ABTB3: variants seen among roughly 807,000 people sequenced by gnomAD.
The protein encoded by ABTB3 is ankyrin repeat- and BTB/POZ domain-containing protein 3.
the ABTB3 span, among the ~76,000 whole-genome samples, chr12:107,379,285 C>T: frequency 1.3e-5 from 2 of 152,084 alleles, no homozygotes; most frequent in Non-Finnish European, 2.9e-5. Flanking sequence ...GTCTGTGTCC[C>T]CACCTAAATC....
chr12:107,321,145 A>C, the ABTB3 span, among the ~76,000 whole-genome samples: 1 of 152,212 alleles, frequency 6.6e-6, no homozygotes, highest in Non-Finnish European at 1.5e-5. Context: ...ACTTTGTTAC[A>C]TATTCGGCGG....
chr12:107,398,717 G>A, the ABTB3 span, among the ~76,000 whole-genome samples: 1 of 151,796 alleles, frequency 6.6e-6, no homozygotes, highest in Admixed American at 6.6e-5. Context: ...CAGGTAGGGG[G>A]GTGGATGACT....
chr12:107,350,206 A>G, the ABTB3 span, among the ~76,000 whole-genome samples: 6 of 152,178 alleles, frequency 3.9e-5, no homozygotes, highest in African/African-American at 1.4e-4. Flanking sequence ...GGGAAAAATC[A>G]TATTGTTCCC....
chr12:107,368,522 C>T, the ABTB3 span, among the ~76,000 whole-genome samples: 1 of 151,818 alleles, frequency 6.6e-6, no homozygotes, highest in Non-Finnish European at 1.5e-5. Context: ...TCCAATTCCC[C>T]AGTACCGTGA....
chr12:107,443,920 A>T, the ABTB3 span, among the ~76,000 whole-genome samples: 1 of 152,214 alleles, frequency 6.6e-6, no homozygotes, highest in Middle Eastern at 3.2e-3. Flanking sequence ...ACTCAAGACC[A>T]AAGGCCCTGT....
chr12:107,339,277 C>T, the ABTB3 span, among the ~76,000 whole-genome samples: 5 of 152,138 alleles, frequency 3.3e-5, no homozygotes, highest in Admixed American at 6.5e-5. Context: ...GGCTTAAGCC[C>T]CACATGCCTC....
At chr12:107,531,026 C>T in the ABTB3 span, among the ~76,000 whole-genome samples, 317 of 152,336 alleles carry the variant, frequency 2.1e-3, 2 homozygotes, top group African/African-American at 7.1e-3. Flanking sequence ...TAGAGTCAGA[C>T]AGACCTAGGT....
chr12:107,502,373 A>G, the ABTB3 span, among the ~76,000 whole-genome samples: 1 of 151,854 alleles, frequency 6.6e-6, no homozygotes, highest in Non-Finnish European at 1.5e-5. Flanking sequence ...CCCAGCCAGC[A>G]TTGGTACTTT....
chr12:107,490,129 T>C, the ABTB3 span, among the ~76,000 whole-genome samples: 2 of 152,184 alleles, frequency 1.3e-5, no homozygotes, highest in African/African-American at 4.8e-5. Context: ...CCAGGTGCCT[T>C]GACATGACTG....
chr12:107,580,044 G>A, the ABTB3 span, among the ~76,000 whole-genome samples: 1 of 152,156 alleles, frequency 6.6e-6, no homozygotes, highest in African/African-American at 2.4e-5. Flanking sequence ...GTCGTCCGCA[G>A]ACCAGTAGCA....
At chr12:107,526,468 T>C in the ABTB3 span, among the ~76,000 whole-genome samples, 6 of 152,046 alleles carry the variant, frequency 3.9e-5, no homozygotes, top group African/African-American at 1.5e-4. Context: ...GGCCCTGGCT[T>C]CTCTCCCTTT....
chr12:107,477,964 A>G, the ABTB3 span, among the ~76,000 whole-genome samples: 2 of 152,226 alleles, frequency 1.3e-5, no homozygotes, highest in African/African-American at 4.8e-5. Context: ...TATGTCTGAT[A>G]CTGAGACCTG....
the ABTB3 span, among the ~76,000 whole-genome samples, chr12:107,454,429 A>G: frequency 6.6e-6 from 1 of 152,184 alleles, no homozygotes; most frequent in Non-Finnish European, 1.5e-5. Flanking sequence ...AAGCTGACCT[A>G]TTAAGGGTTA....
At chr12:107,429,175 C>G in the ABTB3 span, among the ~76,000 whole-genome samples, 10 of 152,334 alleles carry the variant, frequency 6.6e-5, no homozygotes, top group South Asian at 1.7e-3. Flanking sequence ...GGCATCCATT[C>G]TCTCCTTGTC....
the ABTB3 span, among the ~76,000 whole-genome samples, chr12:107,380,368 A>G: frequency 6.6e-6 from 1 of 152,140 alleles, no homozygotes; most frequent in African/African-American, 2.4e-5. Flanking sequence ...AAACCAGTAA[A>G]AATCAATAAA....
the ABTB3 span, among the ~76,000 whole-genome samples, chr12:107,528,693 A>G: frequency 6.6e-6 from 1 of 152,182 alleles, no homozygotes; most frequent in East Asian, 1.9e-4. Flanking sequence ...TCCATCTCCC[A>G]TGGCTAGCCC....
the ABTB3 span, among the ~76,000 whole-genome samples, chr12:107,492,649 A>T: frequency 2.0e-5 from 3 of 151,902 alleles, no homozygotes; most frequent in Admixed American, 1.3e-4. Flanking sequence ...CTTCATAGAC[A>T]CTTCTGTCTC....
chr12:107,599,601 G>C, the ABTB3 span, among the ~76,000 whole-genome samples: 46,930 of 151,926 alleles, frequency 0.31, 8,253 homozygotes, highest in African/African-American at 0.49. Flanking sequence ...ATTTCTCCCC[G>C]CTAGGTACCT....
the ABTB3 span, among the ~76,000 whole-genome samples, chr12:107,411,286 G>T: frequency 6.6e-6 from 1 of 152,176 alleles, no homozygotes; most frequent in Non-Finnish European, 1.5e-5. Flanking sequence ...GCAACAGAGC[G>T]AGACTCCGTC....
Sources: gnomAD v4.1 joint callset for allele counts (sites outside exome capture counted in the v4.1 genomes callset) on GRCh38, gnomAD v4.1.1 for gene constraint, MANE v1.5 for transcripts, NCBI Gene and HGNC (gene_info 2026-07-23, HGNC 2026-07-21) for gene names.